Variants in SERPINI1 observed in about 807,000 individuals in gnomAD.
SERPINI1 encodes the protein serpin family I member 1.
Under a neutral mutation model 41.1 loss-of-function variants are expected in SERPINI1, and 19 were observed. The ratio of observed to expected loss-of-function variants is 0.46; its 90% CI spans 0.32 to 0.68. SERPINI1 has a LOEUF of 0.68. Ranked by LOEUF, SERPINI1 falls within the 30% of genes least tolerant of loss-of-function variation. The pLI is 0.03. For missense variants in SERPINI1, 460 were observed against 479.2 expected (o/e 0.96, Z 0.37); for synonymous variants, 138 against 156.6 (o/e 0.88, Z 0.89).
At chr3:167,771,683 A>G (rs1726752986) in intron 1 of SERPINI1, among the ~76,000 whole-genome samples, 3 of 152,206 alleles carry the variant, frequency 2.0e-5, no homozygotes, top group Admixed American at 1.3e-4. Flanking sequence ...TAACATCCCA[A>G]TAAATATATT....
At chr3:167,795,554 A>C (rs1727683447) in intron 5 of SERPINI1, among the ~76,000 whole-genome samples, 1 of 152,090 alleles carries the variant, frequency 6.6e-6, no homozygotes, top group Admixed American at 6.6e-5. Flanking sequence ...TTCTTTCCCA[A>C]GATAGTGTTG....
intron 6 of SERPINI1, among the ~76,000 whole-genome samples, chr3:167,809,761 G>A (rs370639556): frequency 9.9e-5 from 15 of 152,264 alleles, no homozygotes; most frequent in East Asian, 3.9e-4. Context: ...CACAGTGAAT[G>A]TTCACTGAAG....
chr3:167,793,460 A>T (rs555730632), intron 4 of SERPINI1, among the ~76,000 whole-genome samples: 1 of 151,788 alleles, frequency 6.6e-6, no homozygotes, highest in Non-Finnish European at 1.5e-5. Flanking sequence ...AGTACAGGCC[A>T]GCTGCTGTGG....
At chr3:167,820,791 C>T (rs1285503286) in intron 6 of SERPINI1, among the ~76,000 whole-genome samples, 1 of 152,226 alleles carries the variant, frequency 6.6e-6, no homozygotes, top group Non-Finnish European at 1.5e-5. Context: ...TGAAACCCCA[C>T]CTTCAGGCCA....
chr3:167,813,837 G>C (rs191189099), intron 6 of SERPINI1, among the ~76,000 whole-genome samples: 9 of 152,204 alleles, frequency 5.9e-5, no homozygotes, highest in Non-Finnish European at 8.8e-5. Flanking sequence ...AAATTTCACT[G>C]TACCCCACCT....
intron 1 of SERPINI1, among the ~76,000 whole-genome samples, chr3:167,736,375 C>G (rs1725434778): frequency 6.6e-6 from 1 of 152,144 alleles, no homozygotes; most frequent in South Asian, 2.1e-4. Flanking sequence ...TGGGCTCTGA[C>G]TTAATCTATC....
At chr3:167,739,191 G>A (rs1194473984) in intron 1 of SERPINI1, among the ~76,000 whole-genome samples, 2 of 148,192 alleles carry the variant, frequency 1.3e-5, no homozygotes, top group Non-Finnish European at 3.0e-5. Context: ...AAGTAACTAC[G>A]TTATTAACTC....
chr3:167,781,843 A>G (rs1367669119), intron 1 of SERPINI1, among the ~76,000 whole-genome samples: 1 of 151,984 alleles, frequency 6.6e-6, no homozygotes, highest in East Asian at 1.9e-4. Context: ...GTTAAAAAAC[A>G]CTATCTTTTT....
intron 1 of SERPINI1, among the ~76,000 whole-genome samples, chr3:167,740,703 C>T (rs899736437): frequency 6.6e-6 from 1 of 152,180 alleles, no homozygotes; most frequent in Non-Finnish European, 1.5e-5. Context: ...TAACTGCAAA[C>T]TTGCGCGCGC....
At chr3:167,759,399 G>GATATATATATATATATATATATAT (rs1364573755) in intron 1 of SERPINI1, among the ~76,000 whole-genome samples, 7 of 81,610 alleles carry the variant, frequency 8.6e-5, no homozygotes, top group South Asian at 2.6e-4. Flanking sequence ...AAGAAAATGT[G>GATATATATATATATATATATATAT]GTATATATAT....
intron 1 of SERPINI1, among the ~76,000 whole-genome samples, chr3:167,753,518 C>T (rs1726108021): frequency 2.0e-5 from 3 of 152,204 alleles, no homozygotes; most frequent in South Asian, 4.1e-4. Flanking sequence ...ATAATTCTCA[C>T]ATTTTTTACA....
chr3:167,777,096 G>T (rs1726987867), intron 1 of SERPINI1, among the ~76,000 whole-genome samples: 2 of 152,016 alleles, frequency 1.3e-5, no homozygotes, highest in African/African-American at 4.8e-5. Flanking sequence ...ATCCTGTCAG[G>T]TCAGTTTAAG....
chr3:167,737,405 T>C (rs1725502311), intron 1 of SERPINI1, among the ~76,000 whole-genome samples: 1 of 152,004 alleles, frequency 6.6e-6, no homozygotes, highest in East Asian at 1.9e-4. Flanking sequence ...AAGGATCAGG[T>C]TTTATCTTTG....
intron 1 of SERPINI1, among the ~76,000 whole-genome samples, chr3:167,765,370 G>A (rs1015575821): frequency 1.3e-5 from 2 of 152,226 alleles, no homozygotes; most frequent in Non-Finnish European, 2.9e-5. Flanking sequence ...TAGCTGCCAA[G>A]GCTTGAAGCT....
At chr3:167,760,577 G>C (rs1240986971) in intron 1 of SERPINI1, among the ~76,000 whole-genome samples, 1 of 85,882 alleles carries the variant, frequency 1.2e-5, no homozygotes, top group African/African-American at 4.5e-5. Flanking sequence ...GTGTGTGTGT[G>C]TGTGTGTGTG....
At position 167,799,074 on chromosome 3, in the gene SERPINI1, G is replaced by T. The variant is rs150699303; in HGVS notation, c.881+4250G>T. On this transcript the variant is annotated intron_variant, in intron 5 of 8. Transcript: ENST00000446050. ...CTTTCTCTTTATACTTCAAGTTCTGGGATACATGTGCAGAACATGCAGGTT... is the reference window on the plus strand; with the variant it reads ...CTTTCTCTTTATACTTCAAGTTCTGTGATACATGTGCAGAACATGCAGGTT... Among the ~76,000 whole-genome samples the T allele has an allele frequency of 1.8e-3, 278 of 151,894 alleles. 2 individuals carry two copies. The highest frequency in any genetic ancestry group is 6.8e-3 in the Middle Eastern group (2 of 292).
At chr3:167,787,771 T>C (rs1381795435) in intron 1 of SERPINI1, among the ~76,000 whole-genome samples, 2 of 152,168 alleles carry the variant, frequency 1.3e-5, no homozygotes, top group Admixed American at 1.3e-4. Flanking sequence ...GCAGAGGACG[T>C]TGGAACTTTT....
At chr3:167,784,897 C>A (rs1727259165) in intron 1 of SERPINI1, among the ~76,000 whole-genome samples, 1 of 152,114 alleles carries the variant, frequency 6.6e-6, no homozygotes, top group Non-Finnish European at 1.5e-5. Context: ...AATATAGATA[C>A]CTAGGAAACA....
At chr3:167,822,709 G>A (rs1712377354) in intron 6 of SERPINI1, among the ~76,000 whole-genome samples, 1 of 152,016 alleles carries the variant, frequency 6.6e-6, no homozygotes, top group Admixed American at 6.6e-5. Context: ...GAAGTCACTA[G>A]TAAAAAAAGT....
Sources: allele counts gnomAD v4.1 joint callset (sites outside exome capture counted in the v4.1 genomes callset), GRCh38; gene constraint gnomAD v4.1.1; transcripts MANE v1.5; gene names NCBI Gene and HGNC (gene_info 2026-07-23, HGNC 2026-07-21).